The following THADA variants were observed in gnomAD, a reference collection of about 807,000 sequenced individuals.
THADA encodes the protein tRNA (32-2'-O)-methyltransferase regulator THADA.
THADA carries 213 observed loss-of-function variants against 219.8 expected under a neutral mutation model. The observed-to-expected ratio is 0.97, with a 90% CI of 0.87 to 1.09. The LOEUF is 1.09. THADA is among the 50% of genes least tolerant of loss of function. The pLI is 0.00. For synonymous variants in THADA, 1,018 were observed against 828.9 expected (o/e 1.23, Z -3.92); for missense variants, 2,956 against 2,311.3 (o/e 1.28, Z -5.72).
chr2:43,585,565 T>C (rs538859800), intron 7 of THADA, among the ~76,000 whole-genome samples: 13 of 147,490 alleles, frequency 8.8e-5, no homozygotes, highest in African/African-American at 2.6e-5. Flanking sequence ...GATAGATAGA[T>C]AGATAGATAG....
At chr2:43,537,210 C>T (rs1449722683) in intron 21 of THADA, among the ~76,000 whole-genome samples, 32 of 152,332 alleles carry the variant, frequency 2.1e-4, no homozygotes, top group Non-Finnish European at 4.4e-5. Flanking sequence ...TATCATCTTA[C>T]CAGAATGTTT....
rs117396690 is a variant in THADA, at chr2:43,365,835, C to T, written c.4228-21598G>A. On this transcript the variant is annotated intron_variant, in intron 29 of 37. Coordinates refer to ENST00000405975, the MANE Select transcript of THADA (RefSeq NM_022065.5). ...TGGAAAGGCCAGGACTGTGGATAGG[C>T]CAGGGGGTAAAATTAAGAGTTTATA... is the stretch of plus-strand genomic sequence containing the variant. 3.9e-5 allele frequency among the ~76,000 whole-genome samples: 6 copies of T among 152,062 alleles called. No individual in the cohort carries two copies. The East Asian group carries it at 1.2e-3, about 29-fold the overall frequency.
intron 36 of THADA, among the ~76,000 whole-genome samples, chr2:43,248,931 A>G (rs1419564081): frequency 6.6e-6 from 1 of 152,064 alleles, no homozygotes; most frequent in African/African-American, 2.4e-5. Context: ...TTTCTTCTCC[A>G]CAGCATCTCA....
At chr2:43,279,290 C>T (rs1673075903) in intron 36 of THADA, among the ~76,000 whole-genome samples, 1 of 152,172 alleles carries the variant, frequency 6.6e-6, no homozygotes, top group African/African-American at 2.4e-5. Flanking sequence ...GCAGCTAGGA[C>T]ACAAAGTAGA....
chr2:43,423,861 A>C (rs1479433615), intron 28 of THADA, among the ~76,000 whole-genome samples: 1 of 152,172 alleles, frequency 6.6e-6, no homozygotes, highest in Non-Finnish European at 1.5e-5. Flanking sequence ...AAGACTTTCT[A>C]GTCTCTAGAA....
At chr2:43,404,820 A>G (rs1180272525) in intron 28 of THADA, among the ~76,000 whole-genome samples, 1 of 152,158 alleles carries the variant, frequency 6.6e-6, no homozygotes, top group Non-Finnish European at 1.5e-5. Flanking sequence ...AAGTCAGTAA[A>G]CCTAGGTTTG....
In THADA at chr2:43,556,477, C is replaced by A; in HGVS notation, c.2542G>T (p.Ala848Ser). 1.2e-6 allele frequency: 2 copies of A among 1,613,938 alleles called. No individual in the cohort carries two copies. ...ATTAAGAAGTTCAGCAGGTAGGAAGCTGTCACACAGTCGTATGGTTTGGTG... is the reference window on the plus strand; with the variant it reads ...ATTAAGAAGTTCAGCAGGTAGGAAGATGTCACACAGTCGTATGGTTTGGTG... ...TSTKPYDCVT[A>S]SYLLNFLIWQ... is the part of the protein sequence containing the mutation. Residue 848 changes from alanine (A) to serine (S), a missense_variant, in exon 17 of 38, where the codon GCT becomes TCT. Transcript: ENST00000405975.
intron 29 of THADA, among the ~76,000 whole-genome samples, chr2:43,382,199 T>G (rs72879256): frequency 1.1e-3 from 163 of 152,220 alleles, no homozygotes; most frequent in African/African-American, 3.8e-3. Context: ...AAAAAGACAG[T>G]AGGTGAAAAC....
At chr2:43,531,461 T>C (rs1693857336) in intron 21 of THADA, among the ~76,000 whole-genome samples, 1 of 152,130 alleles carries the variant, frequency 6.6e-6, no homozygotes, top group South Asian at 2.1e-4. Flanking sequence ...TAGAAAACAG[T>C]AAGGACAAGG....
chr2:43,464,661 T>C (rs1022948659), intron 26 of THADA, among the ~76,000 whole-genome samples: 3 of 152,166 alleles, frequency 2.0e-5, no homozygotes, highest in Non-Finnish European at 2.9e-5. Flanking sequence ...AGAAAAATCT[T>C]GCTCATCAGT....
At chr2:43,377,223 C>T (rs1280441133) in intron 29 of THADA, among the ~76,000 whole-genome samples, 6 of 152,146 alleles carry the variant, frequency 3.9e-5, no homozygotes, top group Admixed American at 1.3e-4. Context: ...GTTTAGATAA[C>T]GGTCCTTTCC....
chr2:43,527,919 C>A lies in THADA; in HGVS notation c.3334G>T (p.Ala1112Ser). The A allele has an allele frequency of 1.2e-6, 2 of 1,613,558 alleles. No individual in the cohort carries two copies. The highest frequency in any genetic ancestry group is 1.7e-6 in the Non-Finnish European group (2 of 1,179,662). Reference protein sequence around the residue: ...QSRHRGAFELAYTGFVKLTEV... With the variant: ...QSRHRGAFELSYTGFVKLTEV... ...GTGAGTTTCACAAAACCAGTATAAG[C>A]CAATTCAAATGCTCCTCTGTGCCTG... The change falls in exon 22 of 38, where the codon GCT (alanine) becomes TCT (serine). Residue 1112 changes from alanine to serine, a missense_variant. By Grantham distance (99) the Ala-to-Ser change is moderately conservative. Transcript: ENST00000405975.
At position 43,507,513 on chromosome 2, in the gene THADA, G is replaced by GT. The variant is rs1558874744; in HGVS notation, c.3507+1134_3507+1135insA. On this transcript the variant is annotated intron_variant, in intron 23 of 37. Coordinates refer to ENST00000405975, the MANE Select transcript of THADA (RefSeq NM_022065.5). ...GAATGGGTCAGATCAAATAAAAGTT[G>GT]ATTTCTGAAGGTCACCAAAATCCAT... is the stretch of plus-strand genomic sequence containing the variant. Among the ~76,000 whole-genome samples, 10 of 152,200 alleles carry GT rather than the reference G, an allele frequency of 6.6e-5. No individual in the cohort carries two copies. In the East Asian group the frequency reaches 1.9e-3, roughly 29 times the overall value.
chr2:43,418,293 T>C (rs1047763952), intron 28 of THADA, among the ~76,000 whole-genome samples: 1 of 152,142 alleles, frequency 6.6e-6, no homozygotes, highest in Non-Finnish European at 1.5e-5. Flanking sequence ...CTGATGATAA[T>C]CAACGTAAGA....
At chr2:43,527,251 C>G (rs564289698) in intron 22 of THADA, among the ~76,000 whole-genome samples, 1 of 152,294 alleles carries the variant, frequency 6.6e-6, no homozygotes, top group African/African-American at 2.4e-5. Context: ...TTAGAGAACA[C>G]TTGCCATGAA....
intron 14 of THADA, 138 bp from the exon 15 acceptor site, chr2:43,566,959 T>C (rs1698763867): frequency 3.3e-6 from 2 of 602,510 alleles, no homozygotes; most frequent in Non-Finnish European, 5.2e-6. Flanking sequence ...ATACTGGTTG[T>C]TCACTTTGCT....
intron 20 of THADA, among the ~76,000 whole-genome samples, chr2:43,544,601 A>C (rs1330410436): frequency 1.3e-5 from 2 of 151,444 alleles, no homozygotes; most frequent in Non-Finnish European, 2.9e-5. Flanking sequence ...GTCCCTTGTA[A>C]GTTGGATTCC....
intron 22 of THADA, among the ~76,000 whole-genome samples, chr2:43,515,517 C>A (rs1290667629): frequency 1.4e-5 from 2 of 144,486 alleles, no homozygotes; most frequent in Non-Finnish European, 3.0e-5. Context: ...AATGAAAAAA[C>A]CATAAAGTAT....
intron 26 of THADA, among the ~76,000 whole-genome samples, chr2:43,450,355 A>T (rs894021002): frequency 6.6e-6 from 1 of 152,176 alleles, no homozygotes; most frequent in African/African-American, 2.4e-5. Context: ...TCGGTAACTG[A>T]AAGGGGGTAG....
Sources: allele counts gnomAD v4.1 joint callset (sites outside exome capture counted in the v4.1 genomes callset), GRCh38; gene constraint gnomAD v4.1.1; transcripts MANE v1.5; gene names NCBI Gene and HGNC (gene_info 2026-07-23, HGNC 2026-07-21).